Variants in SOX5 observed in about 807,000 individuals in gnomAD.
SOX5 encodes the protein SRY-box transcription factor 5, also known as transcription factor SOX-5.
In SOX5, 9 loss-of-function variants were observed where a neutral mutation model predicts 92.0. The ratio of observed to expected loss-of-function variants is 0.10; its 90% CI spans 0.06 to 0.17. The LOEUF (loss-of-function observed/expected upper bound fraction) is 0.17. Among genes scored for constraint, SOX5 ranks in the 10% least tolerant of loss-of-function variants. SOX5 has a pLI of 1.00. For synonymous variants in SOX5, 344 were observed against 336.3 expected (o/e 1.02, Z -0.25); for missense variants, 642 against 944.5 (o/e 0.68, Z 4.20).
chr12:23,712,175 C>T (rs992343628), intron 6 of SOX5, among the ~76,000 whole-genome samples: 2 of 152,112 alleles, frequency 1.3e-5, no homozygotes, highest in South Asian at 2.1e-4. Flanking sequence ...AAAAACCAGT[C>T]GATCATGATC....
chr12:23,791,400 C>T (rs2095472824), intron 3 of SOX5, among the ~76,000 whole-genome samples: 1 of 152,168 alleles, frequency 6.6e-6, no homozygotes, highest in Non-Finnish European at 1.5e-5. Context: ...TTGTAGGGCT[C>T]AAGGGATCCT....
At chr12:23,677,840 C>T (rs914111643) in intron 6 of SOX5, among the ~76,000 whole-genome samples, 1 of 150,700 alleles carries the variant, frequency 6.6e-6, no homozygotes, top group African/African-American at 2.4e-5. Flanking sequence ...TGGTAAGAAG[C>T]GTTCCCGCAA....
At chr12:23,616,296 T>C (rs2076547535) in intron 8 of SOX5, among the ~76,000 whole-genome samples, 1 of 152,230 alleles carries the variant, frequency 6.6e-6, no homozygotes, top group Non-Finnish European at 1.5e-5. Flanking sequence ...AATTCTCCGC[T>C]AACCTCCTAA....
chr12:24,542,001 T>C (rs1435395687), intron 1 of SOX5, among the ~76,000 whole-genome samples: 4 of 152,210 alleles, frequency 2.6e-5, no homozygotes, highest in African/African-American at 7.2e-5. Flanking sequence ...CTGATGTCCC[T>C]TCATTCTTTT....
chr12:24,058,242 A>T (rs900098630), intron 4 of SOX5, among the ~76,000 whole-genome samples: 3 of 152,272 alleles, frequency 2.0e-5, no homozygotes, highest in Non-Finnish European at 4.4e-5. Context: ...CAAGTAACAC[A>T]TCGTCCTCAC....
intron 4 of SOX5, among the ~76,000 whole-genome samples, chr12:23,965,310 A>G (rs1219182550): frequency 6.6e-6 from 1 of 152,178 alleles, no homozygotes; most frequent in Non-Finnish European, 1.5e-5. Context: ...GGTGGCCTGC[A>G]CTACGTTTGA....
At chr12:23,935,197 T>G (rs930036382) in intron 1 of SOX5, among the ~76,000 whole-genome samples, 31 of 151,410 alleles carry the variant, frequency 2.0e-4, no homozygotes, top group African/African-American at 7.5e-4. Flanking sequence ...CACATTATTT[T>G]ATCATATCTA....
At chr12:24,068,730 A>G (rs1468416084) in intron 4 of SOX5, among the ~76,000 whole-genome samples, 90 of 95,610 alleles carry the variant, frequency 9.4e-4, no homozygotes, top group Non-Finnish European at 1.3e-3. Context: ...ATATATATAT[A>G]TATATATATA....
At chr12:23,952,134 T>C (rs1945736820), upstream of SOX5, among the ~76,000 whole-genome samples, 1 of 151,964 alleles carries the variant, frequency 6.6e-6, no homozygotes, top group South Asian at 2.1e-4. Flanking sequence ...TTATCTTATA[T>C]CAATAGAGAA....
chr12:23,634,562 G>A (rs756108275), intron 8 of SOX5, among the ~76,000 whole-genome samples: 1 of 152,106 alleles, frequency 6.6e-6, no homozygotes, highest in Non-Finnish European at 1.5e-5. Context: ...TAATGTATCC[G>A]GAATAGACTG....
At chr12:24,192,396 T>C (rs898859082) in intron 4 of SOX5, among the ~76,000 whole-genome samples, 10 of 150,082 alleles carry the variant, frequency 6.7e-5, no homozygotes, top group African/African-American at 2.3e-4. Context: ...AGGAATATAA[T>C]AGGATAACTA....
intron 4 of SOX5, among the ~76,000 whole-genome samples, chr12:24,070,030 G>T (rs1014560895): frequency 3.3e-5 from 5 of 152,076 alleles, no homozygotes; most frequent in Non-Finnish European, 7.4e-5. Flanking sequence ...CGGGGAGAGC[G>T]CTCTGCTGAG....
chr12:23,681,550 T>A (rs934503508), intron 6 of SOX5, among the ~76,000 whole-genome samples: 11 of 149,998 alleles, frequency 7.3e-5, no homozygotes, highest in Non-Finnish European at 1.7e-4. Flanking sequence ...TGAAAAAACA[T>A]CTATCAGGCA....
In SOX5 at chr12:23,532,099, TTATTATTATTAC is replaced by T. The variant is rs1311410979; in HGVS notation, c.*2108_*2119del. 1 of 151,168 alleles carries T rather than the reference TTATTATTATTAC, an allele frequency of 6.6e-6. No individual in the cohort carries two copies. The highest frequency in any genetic ancestry group is 1.5e-5 in the Non-Finnish European group (1 of 67,830). The allele number at this position is 151,168 out of a possible 1,614,324, so 9.4% of individuals were successfully genotyped here. A position where few individuals can be genotyped will look rare whatever the true frequency, so the allele number is the denominator to read the frequency against. On this transcript the variant is annotated 3_prime_UTR_variant, in exon 15 of 15. Transcript: ENST00000451604. ...CTAATCTGGGAACAGCTGACCATTA[TTATTATTATTAC>T]TATTATTATTATTATTTTATCATCA...
chr12:24,088,502 A>T (rs1218580055), intron 4 of SOX5, among the ~76,000 whole-genome samples: 3 of 152,034 alleles, frequency 2.0e-5, no homozygotes, highest in Admixed American at 2.0e-4. Context: ...TTGATTGGTG[A>T]ACAAGAGAAG....
At chr12:23,708,618 C>A (rs781383871) in intron 6 of SOX5, among the ~76,000 whole-genome samples, 1 of 152,120 alleles carries the variant, frequency 6.6e-6, no homozygotes, top group Non-Finnish European at 1.5e-5. Flanking sequence ...AAGCTACTGG[C>A]ATCAGAACAG....
chr12:24,528,656 G>A (rs1269559190), intron 1 of SOX5, among the ~76,000 whole-genome samples: 5 of 152,194 alleles, frequency 3.3e-5, no homozygotes, highest in African/African-American at 7.2e-5. Context: ...GCGCAGAATC[G>A]AGTCCAGCAA....
intron 3 of SOX5, among the ~76,000 whole-genome samples, chr12:23,821,045 C>T (rs772240635): frequency 1.3e-5 from 2 of 152,120 alleles, no homozygotes; most frequent in African/African-American, 4.8e-5. Context: ...ATTGATTCTT[C>T]CTATCCATGA....
chr12:24,054,809 C>T (rs1208420566), intron 4 of SOX5, among the ~76,000 whole-genome samples: 1 of 152,158 alleles, frequency 6.6e-6, no homozygotes, highest in Non-Finnish European at 1.5e-5. Flanking sequence ...GTCAAGTGAA[C>T]ACGGGCATGT....
Sources: gnomAD v4.1 joint callset for allele counts (sites outside exome capture counted in the v4.1 genomes callset) on GRCh38, gnomAD v4.1.1 for gene constraint, MANE v1.5 for transcripts, NCBI Gene and HGNC (gene_info 2026-07-23, HGNC 2026-07-21) for gene names.